SPECC1: variants seen among roughly 807,000 people sequenced by gnomAD.
The protein encoded by SPECC1 is sperm antigen with calponin homology and coiled-coil domains 1.
SPECC1 carries 62 observed loss-of-function variants against 104.1 expected under a neutral mutation model. The ratio of observed to expected loss-of-function variants is 0.60; its 90% confidence interval spans 0.49 to 0.74. The LOEUF (loss-of-function observed/expected upper bound fraction) is 0.74, where lower values mean the gene tolerates loss of function less well. Among genes scored for constraint, SPECC1 ranks in the 30% least tolerant of loss-of-function variants. The pLI is 0.00. For missense variants in SPECC1, 1,306 were observed against 1,310.5 expected, an observed-to-expected ratio of 1.00 and a Z score of 0.05; for synonymous variants, 513 against 501.6, an observed-to-expected ratio of 1.02 and a Z score of -0.30.
intron 12 of SPECC1, among the ~76,000 whole-genome samples, chr17:20,262,106 A>G (rs773208124): frequency 3.9e-5 from 6 of 152,244 alleles, no homozygotes; most frequent in Non-Finnish European, 8.8e-5. Context: ...GTATTGAGTC[A>G]GTGAGATTTA....
intron 12 of SPECC1, among the ~76,000 whole-genome samples, chr17:20,287,514 T>C (rs534740021): frequency 2.0e-5 from 3 of 151,910 alleles, no homozygotes; most frequent in Admixed American, 6.6e-5. Flanking sequence ...TCATCTCTTT[T>C]CTGCAAGTCA....
intron 1 of SPECC1, among the ~76,000 whole-genome samples, chr17:20,011,229 A>C (rs73980793): frequency 0.016 from 2,426 of 152,304 alleles, 57 homozygotes; most frequent in African/African-American, 0.055. Context: ...GCAGAACTTG[A>C]CTGCAGACTG....
intron 7 of SPECC1, among the ~76,000 whole-genome samples, chr17:20,242,478 G>A (rs1004776093): frequency 6.6e-6 from 1 of 152,168 alleles, no homozygotes; most frequent in African/African-American, 2.4e-5. Flanking sequence ...AGCATCAGGC[G>A]GTCTGGCCTG....
chr17:20,015,584 A>ATTTTTTTTTTTTTT (rs1222758913), intron 1 of SPECC1, among the ~76,000 whole-genome samples: 1 of 102,080 alleles, frequency 9.8e-6, no homozygotes, highest in Non-Finnish European at 2.0e-5. Flanking sequence ...CCGGGTCTCT[A>ATTTTTTTTTTTTTT]TTTTTTTTTT....
At chr17:20,268,328 C>A (rs554107326) in intron 12 of SPECC1, among the ~76,000 whole-genome samples, 20 of 152,338 alleles carry the variant, frequency 1.3e-4, no homozygotes, top group South Asian at 1.0e-3. Flanking sequence ...TGTGTCCACA[C>A]TGAATTTTGC....
At chr17:20,133,017 G>A (rs2049736493) in intron 3 of SPECC1, among the ~76,000 whole-genome samples, 1 of 152,156 alleles carries the variant, frequency 6.6e-6, no homozygotes, top group Non-Finnish European at 1.5e-5. Context: ...GGGATTACAG[G>A]TGTGAGCCAC....
At chr17:20,112,263 A>G (rs1164009231) in intron 3 of SPECC1, 7 of 762,282 alleles carry the variant, frequency 9.2e-6, no homozygotes, top group Non-Finnish European at 1.5e-5. Context: ...CTTTGAACCC[A>G]TTTTGAACTA....
At chr17:20,278,944 G>T (rs1279188245) in intron 12 of SPECC1, among the ~76,000 whole-genome samples, 1 of 152,156 alleles carries the variant, frequency 6.6e-6, no homozygotes, top group Non-Finnish European at 1.5e-5. Flanking sequence ...AAGTCCCTTG[G>T]TCTTCTTTCC....
At chr17:20,174,431 T>C (rs964332252) in intron 3 of SPECC1, among the ~76,000 whole-genome samples, 3 of 151,710 alleles carry the variant, frequency 2.0e-5, no homozygotes, top group Non-Finnish European at 4.4e-5. Context: ...GTGTGCAGAG[T>C]TTATGGGGGT....
In SPECC1 at chr17:20,058,185, CTCATTTTAAATATTCT is replaced by C. The variant is rs1006313098; in HGVS notation, c.-21-38432_-21-38417del. ...AAAGTCATGAAGAAACAGTTTTTTC[CTCATTTTAAATATTCT>C]TCATTTTAAATATCCTTGCGAGCAC... On this transcript the variant is annotated intron_variant, in intron 1 of 14. Coordinates refer to ENST00000395527, the MANE Select transcript of SPECC1 (RefSeq NM_001243439.2). 3.3e-5 allele frequency among the ~76,000 whole-genome samples: 5 copies of C among 152,102 alleles called. 1 individual carries two copies. The highest frequency in any genetic ancestry group is 9.6e-5 in the African/African-American group (4 of 41,496).
intron 12 of SPECC1, among the ~76,000 whole-genome samples, chr17:20,268,962 C>G (rs1439544100): frequency 6.6e-6 from 1 of 152,126 alleles, no homozygotes; most frequent in Non-Finnish European, 1.5e-5. Flanking sequence ...TGTGTAGAGA[C>G]CTGTCAGACT....
intron 7 of SPECC1, chr17:20,238,579 C>G (rs2039046778): frequency 9.6e-7 from 1 of 1,042,706 alleles, no homozygotes; most frequent in African/African-American, 1.7e-5. Context: ...CTGGACAGCA[C>G]AGAATCATTA....
At position 20,024,387 on chromosome 17, in the gene SPECC1, C is replaced by T. The variant is rs547026037; in HGVS notation, c.-22+14963C>T. On this transcript the variant is annotated intron_variant, in intron 1 of 14. Coordinates refer to ENST00000395527, the MANE Select transcript of SPECC1 (RefSeq NM_001243439.2). Reference sequence around the variant, plus strand: ...TAAATTTTTCTCTTCTCTTCTAGTCCAGTAATTCTCCATTCTTTCATTTCA... The same window carrying T: ...TAAATTTTTCTCTTCTCTTCTAGTCTAGTAATTCTCCATTCTTTCATTTCA... 2.6e-5 allele frequency among the ~76,000 whole-genome samples: 4 copies of T among 152,286 alleles called. No individual in the cohort carries two copies. In the South Asian group the frequency reaches 8.3e-4, roughly 32 times the overall value.
intron 3 of SPECC1, among the ~76,000 whole-genome samples, chr17:20,149,729 G>C (rs1183521211): frequency 6.6e-6 from 1 of 152,090 alleles, no homozygotes; most frequent in Non-Finnish European, 1.5e-5. Context: ...ACCAAACCTT[G>C]GGGTGGACTT....
chr17:20,019,729 C>G lies in SPECC1; in HGVS notation c.-22+10305C>G, dbSNP rs189088192. ...TTAGCCATATACAGATGGTAGTGGC[C>G]CATCATCCAGCTCAGAGATCTGCCA... On this transcript the variant is annotated intron_variant, in intron 1 of 14. Transcript: ENST00000395527. Among the ~76,000 whole-genome samples the G allele has an allele frequency of 2.0e-5, 3 of 152,242 alleles. No homozygotes were observed. In the East Asian group the frequency reaches 5.8e-4, roughly 29 times the overall value.
chr17:20,084,074 C>T (rs1298497448), intron 1 of SPECC1, among the ~76,000 whole-genome samples: 1 of 151,908 alleles, frequency 6.6e-6, no homozygotes, highest in Non-Finnish European at 1.5e-5. Context: ...TTTTTTATTG[C>T]CTTGTGCAGT....
intron 3 of SPECC1, among the ~76,000 whole-genome samples, chr17:20,189,851 GGAGAT>G (rs768934411): frequency 2.6e-5 from 4 of 152,186 alleles, no homozygotes; most frequent in Non-Finnish European, 5.9e-5. Context: ...AAAGTAAAAT[GGAGAT>G]GAGATAGAAA....
chr17:20,013,199 A>T (rs2043999806), intron 1 of SPECC1, among the ~76,000 whole-genome samples: 1 of 152,202 alleles, frequency 6.6e-6, no homozygotes, highest in South Asian at 2.1e-4. Context: ...CCCTGCTTTC[A>T]GTTATTTGGG....
At chr17:20,154,386 C>T (rs182564305) in intron 3 of SPECC1, among the ~76,000 whole-genome samples, 40 of 152,258 alleles carry the variant, frequency 2.6e-4, no homozygotes, top group Middle Eastern at 6.8e-3. Context: ...GAGGGTGAGA[C>T]ATAAGGTCTA....
Sources: gnomAD v4.1 joint callset for allele counts (sites outside exome capture counted in the v4.1 genomes callset) on GRCh38, gnomAD v4.1.1 for gene constraint, MANE v1.5 for transcripts, NCBI Gene and HGNC (gene_info 2026-07-23, HGNC 2026-07-21) for gene names.